Variants in ABLIM2 observed in about 807,000 individuals in gnomAD.
ABLIM2 encodes the protein actin-binding LIM protein 2.
ABLIM2 carries 53 observed loss-of-function variants against 97.7 expected under a neutral mutation model. That is an observed-to-expected ratio of 0.54 (90% CI 0.44 to 0.68). The LOEUF (loss-of-function observed/expected upper bound fraction) is 0.68. Among genes scored for constraint, ABLIM2 ranks in the 30% least tolerant of loss-of-function variants. The pLI is 0.00. For missense variants in ABLIM2, 835 were observed against 867.2 expected (o/e 0.96, Z 0.47); for synonymous variants, 361 against 345.8 (o/e 1.04, Z -0.49).
At chr4:8,062,734 C>T (rs944770989) in intron 6 of ABLIM2, among the ~76,000 whole-genome samples, 47 of 152,154 alleles carry the variant, frequency 3.1e-4, no homozygotes, top group Admixed American at 2.2e-3. Context: ...CCACCACGCC[C>T]GGCCTGGTCT....
chr4:8,029,549 T>A (rs1322858874), intron 11 of ABLIM2, 107 bp downstream of exon 11: 6 of 1,251,038 alleles, frequency 4.8e-6, no homozygotes, highest in Non-Finnish European at 6.1e-6. Flanking sequence ...TTTCCAGTTG[T>A]ATAAGAAAAA....
Position 8,128,637 on chromosome 4 carries a change from C to A in ABLIM2, c.11-22000G>T, listed in dbSNP as rs1848865876. On this transcript the variant is annotated intron_variant, in intron 1 of 20. Transcript: ENST00000447017. The surrounding 1 kb of genome is among the most constrained non-coding windows in gnomAD (Gnocchi z 4.9). ...CTCTAAGGCAGGAAAGCGATGAAGT[C>A]ATTGTCTAGCCCAAGGCCACTGCCG... Among the ~76,000 whole-genome samples the A allele has an allele frequency of 6.6e-6, 1 of 152,214 alleles. No individual in the cohort carries two copies. The highest frequency in any genetic ancestry group is 1.5e-5 in the Non-Finnish European group (1 of 68,036).
intron 12 of ABLIM2, among the ~76,000 whole-genome samples, chr4:8,026,104 C>A (rs758288533): frequency 6.6e-6 from 1 of 152,158 alleles, no homozygotes; most frequent in Non-Finnish European, 1.5e-5. Flanking sequence ...AACTGCTGGC[C>A]GAAGCAATCC....
intron 5 of ABLIM2, among the ~76,000 whole-genome samples, chr4:8,078,898 A>G (rs539046863): frequency 1.4e-4 from 22 of 152,326 alleles, no homozygotes; most frequent in East Asian, 3.9e-4. Flanking sequence ...TGCCACTCCA[A>G]TGCGCCCCTT....
intron 7 of ABLIM2, among the ~76,000 whole-genome samples, chr4:8,057,719 C>T (rs1022977444): frequency 2.0e-5 from 3 of 152,220 alleles, no homozygotes; most frequent in East Asian, 1.9e-4. Flanking sequence ...TGGGAAAGTC[C>T]GCGGCAGGAA....
intron 16 of ABLIM2, chr4:8,006,906 T>A (rs1761800990): frequency 1.7e-6 from 1 of 579,230 alleles, no homozygotes; most frequent in Non-Finnish European, 2.2e-6. Context: ...CATGGTGACA[T>A]CAGCCTTGTG....
At chr4:8,010,769 C>T (rs997333671) in intron 14 of ABLIM2, 26 of 207,876 alleles carry the variant, frequency 1.3e-4, no homozygotes, top group South Asian at 5.1e-4. Context: ...CAGGGAGCTC[C>T]GGGGGACGCA....
Position 8,007,096 on chromosome 4 carries a change from C to T in ABLIM2, c.1618+963G>A, listed in dbSNP as rs868187750. 7.7e-5 allele frequency: 76 copies of T among 985,466 alleles called. No homozygotes were observed. In the South Asian group the frequency reaches 1.1e-3, roughly 15 times the overall value. The allele number at this position is 985,466 out of a possible 1,614,324, so 61.0% of individuals were successfully genotyped here. On this transcript the variant is annotated intron_variant, in intron 16 of 20. Coordinates refer to ENST00000447017, the MANE Select transcript of ABLIM2 (RefSeq NM_001130083.2). The stretch of plus-strand genomic sequence containing the variant: ...TCTGTGTCTTCACTCTTTCCTGTCA[C>T]ATTGAAACACTTTTCTACTTTCATT...
chr4:8,136,690 A>G (rs532115090), intron 1 of ABLIM2, among the ~76,000 whole-genome samples: 1 of 152,242 alleles, frequency 6.6e-6, no homozygotes, highest in Non-Finnish European at 1.5e-5. Flanking sequence ...CATGCCGACA[A>G]GGCCGAGGGA....
intron 3 of ABLIM2, among the ~76,000 whole-genome samples, chr4:8,094,634 A>G (rs962418684): frequency 3.3e-5 from 5 of 152,202 alleles, no homozygotes; most frequent in African/African-American, 9.6e-5. Context: ...TCGATCTTTA[A>G]CTACCAGGCC....
intron 4 of ABLIM2, among the ~76,000 whole-genome samples, chr4:8,081,438 C>G (rs1392211716): frequency 5.3e-5 from 8 of 152,336 alleles, no homozygotes; most frequent in African/African-American, 1.9e-4. Context: ...GGTTTTGGCC[C>G]TGCCCTGAGC....
chr4:8,119,324 C>CA (rs1844230556), intron 1 of ABLIM2, among the ~76,000 whole-genome samples: 1 of 108,138 alleles, frequency 9.2e-6, no homozygotes, highest in Non-Finnish European at 1.8e-5. Flanking sequence ...GGGCTTCCTT[C>CA]TTTTTTTTTT....
rs1266195116 is a variant in ABLIM2, at chr4:8,036,262, C to G, written c.934G>C (p.Asp312His). 6.2e-7 allele frequency: 1 copy of G among 1,613,736 alleles called. No homozygotes were observed. Reference protein sequence around the residue: ...KLGGEILDYRDLAALPKSKAI... With the variant: ...KLGGEILDYRHLAALPKSKAI... ...TTACTTTTAGGAAGGGCTGCCAAGT[C>G]CCTGTAGTCCAGGATCTCACCACCA... The change falls in exon 10 of 21, where the codon GAC (aspartate) becomes CAC (histidine). Residue 312 changes from aspartate (D) to histidine (H), a missense_variant. Transcript: ENST00000447017.
chr4:8,085,263 G>C lies in ABLIM2; in HGVS notation c.454+2906C>G, dbSNP rs893014436. Among the ~76,000 whole-genome samples the C allele has an allele frequency of 6.6e-6, 1 of 152,024 alleles. No homozygotes were observed. The highest frequency in any genetic ancestry group is 1.5e-5 in the Non-Finnish European group (1 of 67,996). On this transcript the variant is annotated intron_variant, in intron 4 of 20. Transcript: ENST00000447017. The surrounding 1 kb of genome is among the most constrained non-coding windows in gnomAD (Gnocchi z 6.1). ...GTGAGGCCCCACCCTGCTGCCCCCC[G>C]GCCCAGCAAGCTGGCCAGGCAGACG...
chr4:8,105,360 C>T (rs1040343449), intron 2 of ABLIM2, among the ~76,000 whole-genome samples: 21 of 152,240 alleles, frequency 1.4e-4, no homozygotes, highest in African/African-American at 4.8e-4. Flanking sequence ...TCTCCCTCAG[C>T]AGACAGCGAA....
chr4:7,977,381 T>C (rs927993583), intron 20 of ABLIM2, among the ~76,000 whole-genome samples: 5 of 152,070 alleles, frequency 3.3e-5, no homozygotes, highest in Admixed American at 2.0e-4. Context: ...CACATGTATA[T>C]GCACATATCA....
chr4:8,003,464 C>A lies in ABLIM2; in HGVS notation c.1618+4595G>T, dbSNP rs1013735175. On this transcript the variant is annotated intron_variant, in intron 16 of 20. Coordinates refer to ENST00000447017, the MANE Select transcript of ABLIM2 (RefSeq NM_001130083.2). The surrounding 1 kb of genome is among the most constrained non-coding windows in gnomAD (Gnocchi z 4.2). ...CATCGCTTTCACGCCAGCGGAAAGT[C>A]ACACGGTCCCATGTCAGAAGTTGGG... 6.6e-6 allele frequency among the ~76,000 whole-genome samples: 1 copy of A among 152,120 alleles called. No homozygotes were observed. The highest frequency in any genetic ancestry group is 2.1e-4 in the South Asian group (1 of 4,826).
chr4:8,019,575 G>A lies in ABLIM2; in HGVS notation c.1423+43C>T. The A allele has an allele frequency of 6.4e-7, 1 of 1,570,324 alleles. No individual in the cohort carries two copies. Among genetic ancestry groups the A allele is most frequent in the Non-Finnish European group, 8.7e-7 (1 of 1,150,572 alleles). On this transcript the variant is annotated intron_variant, in intron 14 of 20. Transcript: ENST00000447017. The surrounding 1 kb of genome is among the most constrained non-coding windows in gnomAD (Gnocchi z 4.3). ...TTCAGAAGCAGATGGGTATTGACAGGCATGCGGGGCAAACCACAGCAGCGG... is the reference window on the plus strand; with the variant it reads ...TTCAGAAGCAGATGGGTATTGACAGACATGCGGGGCAAACCACAGCAGCGG...
At position 8,112,807 on chromosome 4, in the gene ABLIM2, G is replaced by C. The variant is rs1841003924; in HGVS notation, c.11-6170C>G. 6.6e-6 allele frequency among the ~76,000 whole-genome samples: 1 copy of C among 152,172 alleles called. No individual in the cohort carries two copies. Among genetic ancestry groups the C allele is most frequent in the South Asian group, 2.1e-4 (1 of 4,828 alleles). ...CTAGGAGATGGTCACACGGCTAAGA[G>C]ACTGAGGCCCAGCTCAGGTGTGTCC... On this transcript the variant is annotated intron_variant, in intron 1 of 20. Coordinates refer to ENST00000447017, the MANE Select transcript of ABLIM2 (RefSeq NM_001130083.2). The surrounding 1 kb of genome is among the most constrained non-coding windows in gnomAD (Gnocchi z 4.2).
Sources: gnomAD v4.1 joint callset for allele counts (sites outside exome capture counted in the v4.1 genomes callset) on GRCh38, gnomAD v4.1.1 for gene constraint, Gnocchi (gnomAD v3.1) non-coding constraint, MANE v1.5 for transcripts, NCBI Gene and HGNC (gene_info 2026-07-23, HGNC 2026-07-21) for gene names.